The following FAR2 variants were observed in gnomAD, a reference collection of about 807,000 sequenced individuals.
The protein encoded by FAR2 is fatty acyl-CoA reductase 2.
FAR2 carries 19 observed loss-of-function variants against 56.0 expected under a neutral mutation model. The ratio of observed to expected loss-of-function variants is 0.34; its 90% CI spans 0.24 to 0.50. FAR2 has a LOEUF of 0.50. Among genes scored for constraint, FAR2 ranks in the 20% least tolerant of loss-of-function variants. The pLI, the probability that FAR2 is intolerant of heterozygous loss-of-function variation, is 0.98. For synonymous variants in FAR2, 219 were observed against 218.8 expected (o/e 1.00, Z -0.01); for missense variants, 508 against 642.2 (o/e 0.79, Z 2.26).
intron 3 of FAR2, 21 bp from the exon 4 acceptor site, chr12:29,297,000 C>T: frequency 1.3e-6 from 2 of 1,568,264 alleles, no homozygotes; most frequent in Middle Eastern, 1.7e-4. Flanking sequence ...ATTGTATTTC[C>T]TTCTGCTTAA....
At chr12:29,280,848 C>A (rs1456707666) in intron 2 of FAR2, 1 of 152,214 alleles carries the variant, frequency 6.6e-6, no homozygotes, top group Admixed American at 6.5e-5. Flanking sequence ...TGTCCATATT[C>A]CATTCTCAGA....
chr12:29,287,185 A>G (rs898085134), intron 2 of FAR2, among the ~76,000 whole-genome samples: 21 of 152,190 alleles, frequency 1.4e-4, no homozygotes, highest in African/African-American at 5.1e-4. Context: ...GTTGAATGAG[A>G]ATCTTCAGGG....
chr12:29,191,886 T>C (rs1950105627), intron 1 of FAR2, among the ~76,000 whole-genome samples: 2 of 152,216 alleles, frequency 1.3e-5, no homozygotes, highest in Admixed American at 6.5e-5. Context: ...GCATCAGAGC[T>C]CACTTCTTCA....
chr12:29,273,904 G>A (rs1052539812), intron 2 of FAR2, among the ~76,000 whole-genome samples: 7 of 151,912 alleles, frequency 4.6e-5, no homozygotes, highest in Non-Finnish European at 7.4e-5. Context: ...CCCCTTCGCC[G>A]TGTGGCTCTC....
intron 1 of FAR2, among the ~76,000 whole-genome samples, chr12:29,170,863 G>A (rs190775834): frequency 1.8e-4 from 28 of 151,874 alleles, no homozygotes; most frequent in African/African-American, 6.5e-4. Flanking sequence ...TCCCCTTTTC[G>A]ATGGCTTCGA....
intron 1 of FAR2, among the ~76,000 whole-genome samples, chr12:29,173,459 G>C (rs1949907126): frequency 6.6e-6 from 1 of 152,142 alleles, no homozygotes; most frequent in African/African-American, 2.4e-5. Flanking sequence ...TCAATGAAAG[G>C]AAAGCTTGGA....
chr12:29,273,083 G>A (rs560279382), intron 2 of FAR2, among the ~76,000 whole-genome samples: 89 of 152,260 alleles, frequency 5.8e-4, no homozygotes, highest in Non-Finnish European at 1.1e-3. Flanking sequence ...CCTGTATAGA[G>A]TGTCTGACAA....
At chr12:29,193,576 AG>A (rs1950120268) in intron 1 of FAR2, among the ~76,000 whole-genome samples, 1 of 152,208 alleles carries the variant, frequency 6.6e-6, no homozygotes, top group South Asian at 2.1e-4. Flanking sequence ...ATGGCTTGAT[AG>A]CTCATTTCCA....
At chr12:29,176,690 A>G (rs1419741473) in intron 1 of FAR2, among the ~76,000 whole-genome samples, 8 of 152,254 alleles carry the variant, frequency 5.3e-5, no homozygotes, top group Admixed American at 4.6e-4. Flanking sequence ...TAAATATAGT[A>G]TAAAGAAAAT....
At chr12:29,220,260 A>G (rs1386041922) in intron 1 of FAR2, among the ~76,000 whole-genome samples, 1 of 152,228 alleles carries the variant, frequency 6.6e-6, no homozygotes, top group East Asian at 1.9e-4. Context: ...AATGTCAGAT[A>G]TAGATTTAGA....
chr12:29,332,180 G>T (rs1949740445), intron 10 of FAR2, among the ~76,000 whole-genome samples: 1 of 152,206 alleles, frequency 6.6e-6, no homozygotes, highest in South Asian at 2.1e-4. Flanking sequence ...AGGAAAGGAT[G>T]GTAGAACAAA....
intron 2 of FAR2, chr12:29,280,917 G>C (rs1423489426): frequency 1.3e-5 from 2 of 152,262 alleles, no homozygotes; most frequent in Non-Finnish European, 2.9e-5. Flanking sequence ...GTGTGTCCAG[G>C]AGAAAAGGAA....
chr12:29,193,137 A>C (rs571721864), intron 1 of FAR2, among the ~76,000 whole-genome samples: 6 of 152,204 alleles, frequency 3.9e-5, no homozygotes, highest in Admixed American at 3.3e-4. Context: ...TGGAAAGTTC[A>C]GCGAGTTCCC....
At chr12:29,219,192 G>C (rs1489751577) in intron 1 of FAR2, among the ~76,000 whole-genome samples, 3 of 151,980 alleles carry the variant, frequency 2.0e-5, no homozygotes, top group Non-Finnish European at 4.4e-5. Context: ...CCCAGCCCAC[G>C]TTAGAATTCT....
intron 1 of FAR2, among the ~76,000 whole-genome samples, chr12:29,235,648 T>C (rs1049858266): frequency 6.6e-5 from 10 of 152,202 alleles, no homozygotes; most frequent in African/African-American, 2.4e-4. Context: ...CACTGCATGT[T>C]ATCTTTTTTA....
At chr12:29,263,697 T>C (rs1028705555) in intron 1 of FAR2, among the ~76,000 whole-genome samples, 12 of 118,970 alleles carry the variant, frequency 1.0e-4, no homozygotes, top group Non-Finnish European at 2.2e-4. Flanking sequence ...TACAACGTAC[T>C]AAGAATAAAT....
chr12:29,217,479 G>T (rs909162367), intron 1 of FAR2, among the ~76,000 whole-genome samples: 1 of 152,126 alleles, frequency 6.6e-6, no homozygotes, highest in African/African-American at 2.4e-5. Context: ...GGTTAGAAAG[G>T]CAGAGAGAGA....
chr12:29,229,576 AT>A (rs1408535606), intron 1 of FAR2, among the ~76,000 whole-genome samples: 1 of 152,040 alleles, frequency 6.6e-6, no homozygotes, highest in Non-Finnish European at 1.5e-5. Flanking sequence ...AATTCACTCC[AT>A]TTTTTCATTT....
intron 2 of FAR2, among the ~76,000 whole-genome samples, chr12:29,271,495 G>T (rs1948617912): frequency 6.6e-6 from 1 of 152,176 alleles, no homozygotes; most frequent in South Asian, 2.1e-4. Context: ...GGTGACATAA[G>T]ATTGGCAATA....
Sources: gnomAD v4.1 joint callset for allele counts (sites outside exome capture counted in the v4.1 genomes callset) on GRCh38, gnomAD v4.1.1 for gene constraint, MANE v1.5 for transcripts, NCBI Gene and HGNC (gene_info 2026-07-23, HGNC 2026-07-21) for gene names.